Variants in KDM1A observed in about 807,000 individuals in gnomAD.
KDM1A encodes lysine-specific histone demethylase 1A.
In KDM1A, 49 loss-of-function variants were observed where a neutral mutation model predicts 109.4. The observed-to-expected ratio is 0.45, with a 90% CI of 0.36 to 0.57. KDM1A has a LOEUF of 0.57. KDM1A is among the 20% of genes least tolerant of loss of function. KDM1A has a pLI of 0.00. For missense variants in KDM1A, 668 were observed against 1,116.6 expected, an observed-to-expected ratio of 0.60 and a Z score of 5.73; for synonymous variants, 380 against 415.4, an observed-to-expected ratio of 0.91 and a Z score of 1.04.
At chr1:23,051,226 C>A (rs1221351543) in intron 4 of KDM1A, among the ~76,000 whole-genome samples, 1 of 152,214 alleles carries the variant, frequency 6.6e-6, no homozygotes, top group Non-Finnish European at 1.5e-5. Flanking sequence ...ACTTCAGTGT[C>A]TGCATAATAT....
chr1:23,082,916 CAACTGGGTATCTA>C (rs1569837303), intron 20 of KDM1A: 8 of 320,398 alleles, frequency 2.5e-5, no homozygotes, highest in Middle Eastern at 9.3e-4. Context: ...GGACGCTTTA[CAACTGGGTATCTA>C]AACTGATGAG....
rs1030020083 is a variant in KDM1A, at chr1:23,071,217, C to G, written c.1414-8C>G. 5 of 1,590,604 alleles carry G rather than the reference C, an allele frequency of 3.1e-6. No individual in the cohort carries two copies. The highest frequency in any genetic ancestry group is 4.3e-6 in the Non-Finnish European group (5 of 1,170,668). On this transcript the variant is annotated splice_region_variant and splice_polypyrimidine_tract_variant and intron_variant, in intron 12 of 20. Coordinates refer to ENST00000400181, the MANE Select transcript of KDM1A (RefSeq NM_001009999.3). ...CTGGAATGGTAAATTTGTATTTTTC[C>G]TTCTTAGATGGTAAATTTGAAAGAG...
intron 9 of KDM1A, among the ~76,000 whole-genome samples, chr1:23,062,530 A>G (rs1643029051): frequency 6.6e-6 from 1 of 152,260 alleles, no homozygotes; most frequent in Admixed American, 6.5e-5. Context: ...TTATATCACT[A>G]GTAATAGTGT....
chr1:23,024,068 C>T lies in KDM1A; in HGVS notation c.351+4121C>T, dbSNP rs150491257. Among the ~76,000 whole-genome samples the T allele has an allele frequency of 2.7e-3, 405 of 152,194 alleles. 4 individuals carry two copies. The highest frequency in any genetic ancestry group is 9.1e-3 in the African/African-American group (376 of 41,528). ...CTCCCTGTGTTGCCCCAGCTGGCCT[C>T]GAACTTCTGGGCTCAATCATTCCTC... On this transcript the variant is annotated intron_variant, in intron 1 of 20. Coordinates refer to ENST00000400181, the MANE Select transcript of KDM1A (RefSeq NM_001009999.3).
At chr1:23,022,501 A>C (rs1313822710) in intron 1 of KDM1A, among the ~76,000 whole-genome samples, 2 of 151,588 alleles carry the variant, frequency 1.3e-5, no homozygotes, top group Non-Finnish European at 2.9e-5. Context: ...ATGCCCGGCT[A>C]ACTTTGTATT....
chr1:23,081,873 C>CAG (rs1643629375), intron 19 of KDM1A: 4 of 428,932 alleles, frequency 9.3e-6, no homozygotes, highest in Middle Eastern at 6.2e-4. Context: ...GGGAAGTTTT[C>CAG]AGAGAACCTC....
chr1:23,078,906 T>C (rs555002361), intron 16 of KDM1A, 84 bp from the exon 17 acceptor site: 5 of 1,138,634 alleles, frequency 4.4e-6, no homozygotes, highest in Non-Finnish European at 5.0e-6. Context: ...GAAATGGATG[T>C]CCATCTGTTG....
intron 15 of KDM1A, among the ~76,000 whole-genome samples, chr1:23,073,616 T>A (rs1196269520): frequency 6.6e-6 from 1 of 152,206 alleles, no homozygotes; most frequent in Non-Finnish European, 1.5e-5. Flanking sequence ...ATGCCCATCA[T>A]CCTGAAATGT....
intron 3 of KDM1A, among the ~76,000 whole-genome samples, chr1:23,047,049 T>G (rs1642521488): frequency 6.6e-6 from 1 of 152,238 alleles, no homozygotes; most frequent in African/African-American, 2.4e-5. Flanking sequence ...TAAAATCATT[T>G]GTATTCTAAA....
At chr1:23,056,354 G>T (rs1413182471) in intron 7 of KDM1A, among the ~76,000 whole-genome samples, 3 of 152,028 alleles carry the variant, frequency 2.0e-5, no homozygotes, top group Non-Finnish European at 4.4e-5. Flanking sequence ...AGTTATTTTT[G>T]ATGGTGGAAC....
chr1:23,068,801 C>A, intron 11 of KDM1A, 120 bp downstream of exon 11: 1 of 830,478 alleles, frequency 1.2e-6, no homozygotes, highest in Non-Finnish European at 1.8e-6. Flanking sequence ...TTGTATGAAA[C>A]CATTGAATCC....
At chr1:23,060,726 G>A (rs1642975132) in intron 9 of KDM1A, among the ~76,000 whole-genome samples, 1 of 152,214 alleles carries the variant, frequency 6.6e-6, no homozygotes, top group South Asian at 2.1e-4. Context: ...AGGGTAGGAA[G>A]ATAGAAAGTT....
At chr1:23,037,943 T>G (rs1474952431) in intron 2 of KDM1A, among the ~76,000 whole-genome samples, 2 of 152,222 alleles carry the variant, frequency 1.3e-5, no homozygotes, top group Non-Finnish European at 2.9e-5. Context: ...CATCATTTAT[T>G]GGGTCTGATC....
At chr1:23,034,690 A>G (rs1642090298) in intron 2 of KDM1A, among the ~76,000 whole-genome samples, 1 of 152,006 alleles carries the variant, frequency 6.6e-6, no homozygotes, top group African/African-American at 2.4e-5. Flanking sequence ...CTTACTAGTT[A>G]GTTCCTGGAT....
chr1:23,074,474 CTTTGT>C (rs1286556201), intron 15 of KDM1A, among the ~76,000 whole-genome samples: 1 of 152,140 alleles, frequency 6.6e-6, no homozygotes, highest in Non-Finnish European at 1.5e-5. Flanking sequence ...CAAGGTCTTG[CTTTGT>C]TGCCCAGGCT....
At chr1:23,039,620 TCTC>T (rs1281707830) in intron 2 of KDM1A, among the ~76,000 whole-genome samples, 5 of 152,220 alleles carry the variant, frequency 3.3e-5, no homozygotes, top group Admixed American at 1.3e-4. Context: ...TTTCAGACCA[TCTC>T]CTTCTGAAAG....
At position 23,019,492 on chromosome 1, in the gene KDM1A, T is replaced by A; in HGVS notation, c.-105T>A. On this transcript the variant is annotated 5_prime_UTR_variant, in exon 1 of 21. Transcript: ENST00000400181. ...TGGCGCGTGCGTACGCGACGGCGGT[T>A]GGCGGCGCGCGGGCAGCGTGAAGCG... 1 of 1,291,540 alleles carries A rather than the reference T, an allele frequency of 7.7e-7. No homozygotes were observed. The highest frequency in any genetic ancestry group is 9.8e-7 in the Non-Finnish European group (1 of 1,020,042). The allele number at this position is 1,291,540 out of a possible 1,614,324, so 80.0% of individuals were successfully genotyped here.
chr1:23,025,452 C>T (rs568892892), intron 1 of KDM1A, among the ~76,000 whole-genome samples: 4 of 151,702 alleles, frequency 2.6e-5, no homozygotes. Flanking sequence ...TGCCTCAGCC[C>T]TCAGAGTAGC....
intron 2 of KDM1A, among the ~76,000 whole-genome samples, chr1:23,041,347 T>A (rs1310580488): frequency 6.6e-6 from 1 of 151,990 alleles, no homozygotes; most frequent in Non-Finnish European, 1.5e-5. Flanking sequence ...CTTTTAAATT[T>A]TGTTTTCCAT....
Sources: gnomAD v4.1 joint callset for allele counts (sites outside exome capture counted in the v4.1 genomes callset) on GRCh38, gnomAD v4.1.1 for gene constraint, MANE v1.5 for transcripts, NCBI Gene and HGNC (gene_info 2026-07-23, HGNC 2026-07-21) for gene names.